RNF170: variants seen among roughly 807,000 people sequenced by gnomAD.
RNF170 encodes E3 ubiquitin-protein ligase RNF170.
RNF170 carries 12 observed loss-of-function variants against 32.7 expected under a neutral mutation model. The observed-to-expected ratio is 0.37, with a 90% CI of 0.24 to 0.60. The LOEUF is 0.60. RNF170 is among the 20% of genes least tolerant of loss of function. The pLI, the probability that RNF170 is intolerant of heterozygous loss-of-function variation, is 0.72. For missense variants in RNF170, 212 were observed against 311.2 expected (o/e 0.68, Z 2.40); for synonymous variants, 91 against 103.6 (o/e 0.88, Z 0.74).
downstream of RNF170, chr8:42,853,245 C>G (rs970304326): frequency 1.0e-4 from 85 of 849,034 alleles, no homozygotes; most frequent in Admixed American, 6.0e-4. Flanking sequence ...AATGCTCTTT[C>G]AGGAGTTCTG....
chr8:42,897,002 G>T, upstream of RNF170: 1 of 570,624 alleles, frequency 1.8e-6, no homozygotes, highest in Non-Finnish European at 2.6e-6. Context: ...CGCTGGGCGA[G>T]AGTCGGCGGC....
In RNF170 at chr8:42,854,049, G is replaced by A; in HGVS notation, c.*2110C>T. 1 of 1,287,218 alleles carries A rather than the reference G, an allele frequency of 7.8e-7. No homozygotes were observed. The highest frequency in any genetic ancestry group is 1.0e-6 in the Non-Finnish European group (1 of 988,686). 79.7% of individuals were successfully genotyped at this position (1,287,218 alleles called of 1,614,324 possible). A position where few individuals can be genotyped will look rare whatever the true frequency, so the allele number is the denominator to read the frequency against. On this transcript the variant is annotated 3_prime_UTR_variant, in exon 7 of 7. Coordinates refer to ENST00000527424, the MANE Select transcript of RNF170 (RefSeq NM_030954.4). ...GAAATGCATTTCCAGTCTGGTACAT[G>A]GCAGTGTGACAAACTCCTACTCACT...
intron 1 of RNF170, 177 bp downstream of exon 1, chr8:42,896,307 C>T (rs1275070836): frequency 2.7e-6 from 1 of 365,758 alleles, no homozygotes; most frequent in Non-Finnish European, 5.3e-6. Context: ...CTCCGGACAG[C>T]CGCGGGGCGA....
chr8:42,868,471 C>A (rs938569117), intron 4 of RNF170, among the ~76,000 whole-genome samples: 1 of 152,170 alleles, frequency 6.6e-6, no homozygotes, highest in African/African-American at 2.4e-5. Flanking sequence ...TTGGACAAAT[C>A]GAAGTGGCTT....
chr8:42,859,120 G>A (rs760678112), intron 6 of RNF170, among the ~76,000 whole-genome samples: 4 of 152,116 alleles, frequency 2.6e-5, no homozygotes, highest in Non-Finnish European at 4.4e-5. Flanking sequence ...GGAGGCAAAC[G>A]TTGCAGCGAG....
rs200475721 is a variant in RNF170, at chr8:42,870,036, G to A, written c.290C>T (p.Pro97Leu). The change falls in exon 4 of 7, where the codon CCG becomes CTG. Residue 97 changes from proline (P) to leucine (L), a missense_variant. By Grantham distance (98) the Pro-to-Leu change is moderately conservative (BLOSUM62 -3). Around this residue, in one of 2 missense-constraint regions of RNF170, gnomAD observed 115 missense variants for 132.3 expected, o/e 0.87. Coordinates refer to ENST00000527424, the MANE Select transcript of RNF170 (RefSeq NM_030954.4). ...CPICLHQASFPVETNCGHLFC... is the reference protein window; with the variant it reads ...CPICLHQASFLVETNCGHLFC... ...AAGATGTCCACAGTTGGTCTCCACC[G>A]GGAAGGAGGCTTGGTGCAGGCAGAT... is the stretch of plus-strand genomic sequence containing the variant. The A allele has an allele frequency of 3.7e-5, 60 of 1,614,048 alleles. No homozygotes were observed. Among genetic ancestry groups the A allele is most frequent in the East Asian group, 1.3e-4 (6 of 44,886 alleles).
At chr8:42,895,601 A>T (rs1806732469) in intron 1 of RNF170, among the ~76,000 whole-genome samples, 1 of 152,360 alleles carries the variant, frequency 6.6e-6, no homozygotes, top group Admixed American at 6.5e-5. Context: ...GTTTATAGCC[A>T]TGTTCTGAGT....
intron 5 of RNF170, among the ~76,000 whole-genome samples, chr8:42,862,606 A>G (rs967616215): frequency 2.6e-5 from 4 of 152,320 alleles, no homozygotes; most frequent in South Asian, 4.1e-4. Context: ...TAAATCATTT[A>G]GTTGTTGTTT....
intron 3 of RNF170, among the ~76,000 whole-genome samples, chr8:42,872,838 G>A (rs1804626421): frequency 1.3e-5 from 2 of 152,138 alleles, no homozygotes. Context: ...CCTAGAAAAT[G>A]TATGGCATGT....
At chr8:42,857,911 T>G (rs1287683959) in intron 6 of RNF170, among the ~76,000 whole-genome samples, 1 of 152,168 alleles carries the variant, frequency 6.6e-6, no homozygotes, top group Admixed American at 6.5e-5. Flanking sequence ...GGCACACACC[T>G]GTAATCCCAG....
At position 42,856,338 on chromosome 8, in the gene RNF170, T is replaced by C; in HGVS notation, c.598A>G (p.Ile200Val). The change falls in exon 7 of 7, where the codon ATC becomes GTC. Residue 200 changes from isoleucine (I) to valine (V), a missense_variant. Coordinates refer to ENST00000527424, the MANE Select transcript of RNF170 (RefSeq NM_030954.4). ...SVGGLFWMFR[I>V]RIILCLMGAF... Reference sequence around the variant, plus strand: ...CCCATTAAACAAAGTATTATCCTGATGCGAAACATCCAGAAAAGGCCCCCG... The same window carrying C: ...CCCATTAAACAAAGTATTATCCTGACGCGAAACATCCAGAAAAGGCCCCCG... The C allele has an allele frequency of 6.3e-7, 1 of 1,592,814 alleles. No homozygotes were observed. The highest frequency in any genetic ancestry group is 8.5e-7 in the Non-Finnish European group (1 of 1,174,664).
At chr8:42,873,008 C>T (rs1194993453) in intron 3 of RNF170, among the ~76,000 whole-genome samples, 1 of 152,144 alleles carries the variant, frequency 6.6e-6, no homozygotes, top group Non-Finnish European at 1.5e-5. Context: ...GATCCTCCCA[C>T]TTCAGCCTCC....
rs1804727793 is a variant in RNF170, at chr8:42,874,088, T to C, written c.138-82A>G. 4 of 808,136 alleles carry C rather than the reference T, an allele frequency of 4.9e-6. No individual in the cohort carries two copies. In the South Asian group the frequency reaches 5.6e-5, roughly 11 times the overall value. 50.1% of individuals were successfully genotyped at this position (808,136 alleles called of 1,614,324 possible). A position where few individuals can be genotyped will look rare whatever the true frequency, so the allele number is the denominator to read the frequency against. On this transcript the variant is annotated intron_variant, in intron 2 of 6. Coordinates refer to ENST00000527424, the MANE Select transcript of RNF170 (RefSeq NM_030954.4). ...TTCTTCATGGGTCTACTTTCTGACTTATAACTACTGGTAATTAATGTAATT... is the reference window on the plus strand; with the variant it reads ...TTCTTCATGGGTCTACTTTCTGACTCATAACTACTGGTAATTAATGTAATT...
At chr8:42,895,077 G>A (rs1205979830) in intron 1 of RNF170, among the ~76,000 whole-genome samples, 2 of 151,966 alleles carry the variant, frequency 1.3e-5, no homozygotes, top group African/African-American at 2.4e-5. Context: ...ACTTTTGGGA[G>A]GCTAAGGCGG....
chr8:42,872,994 G>C (rs983648891), intron 3 of RNF170, among the ~76,000 whole-genome samples: 1 of 151,962 alleles, frequency 6.6e-6, no homozygotes, highest in Non-Finnish European at 1.5e-5. Context: ...TCCCAGGCTC[G>C]AGAGATCCTC....
In RNF170 at chr8:42,896,585, C is replaced by T. The variant is rs1586576039; in HGVS notation, c.-109G>A. On this transcript the variant is annotated 5_prime_UTR_variant, in exon 1 of 7. Transcript: ENST00000527424. ...CCCTCCCGGGCAACCCACTAGACGT[C>T]CCCTTTCTAATTTGGAGTGCGGGTG... 2.2e-6 allele frequency: 1 copy of T among 453,866 alleles called. No individual in the cohort carries two copies. The highest frequency in any genetic ancestry group is 1.6e-5 in the South Asian group (1 of 64,490). 28.1% of individuals were successfully genotyped at this position (453,866 alleles called of 1,614,324 possible).
At position 42,870,029 on chromosome 8, in the gene RNF170, C is replaced by A. The variant is rs188812470; in HGVS notation, c.297G>T (p.Glu99Asp). The change falls in exon 4 of 7, where the codon GAG becomes GAT. Residue 99 changes from glutamate (E) to aspartate (D), a missense_variant. Glu to Asp is a conservative substitution (Grantham distance 45, BLOSUM62 2). This residue lies in a region of RNF170 where 115 missense variants were observed against 132.3 expected (regional missense o/e 0.87). Coordinates refer to ENST00000527424, the MANE Select transcript of RNF170 (RefSeq NM_030954.4). ...ICLHQASFPV[E>D]TNCGHLFCGA... is the part of the protein sequence containing the mutation. ...CACAAAAAAGATGTCCACAGTTGGT[C>A]TCCACCGGGAAGGAGGCTTGGTGCA... 2.5e-6 allele frequency: 4 copies of A among 1,614,050 alleles called. No homozygotes were observed. The Admixed American group carries it at 6.7e-5, about 27-fold the overall frequency.
intron 6 of RNF170, among the ~76,000 whole-genome samples, chr8:42,860,255 T>C (rs980189191): frequency 4.6e-5 from 7 of 152,210 alleles, no homozygotes. Flanking sequence ...GAAGTACTTA[T>C]TCAGTTTTAC....
Position 42,856,252 on chromosome 8 carries a change from T to C in RNF170, c.684A>G (p.Leu228=). The change falls in exon 7 of 7, where the codon CTA becomes CTG. Residue 228 remains leucine, a synonymous_variant. Transcript: ENST00000527424. ...DFVPEALFGI[L]GFLDDFFVIF... ...TGACAAAGAAATCATCTAGAAAGCC[T>C]AGAATTCCAAACAAGGCTTCAGGTA... is the stretch of plus-strand genomic sequence containing the variant. The C allele has an allele frequency of 6.2e-7, 1 of 1,608,122 alleles. No homozygotes were observed. The highest frequency in any genetic ancestry group is 8.5e-7 in the Non-Finnish European group (1 of 1,178,238).
Sources: gnomAD v4.1 joint callset for allele counts (sites outside exome capture counted in the v4.1 genomes callset) on GRCh38, gnomAD v4.1.1 for gene constraint, gnomAD v4.1.1 regional missense constraint, MANE v1.5 for transcripts, NCBI Gene and HGNC (gene_info 2026-07-23, HGNC 2026-07-21) for gene names.